Variants in MECOM observed in about 807,000 individuals in gnomAD.
The protein encoded by MECOM is MDS1 and EVI1 complex locus.
MECOM carries 13 observed loss-of-function variants against 116.3 expected under a neutral mutation model. The ratio of observed to expected loss-of-function variants is 0.11; its 90% CI spans 0.07 to 0.18. The LOEUF is 0.18. Ranked by LOEUF, MECOM falls within the 10% of genes least tolerant of loss-of-function variation. The probability of loss-of-function intolerance (pLI) is 1.00; values close to 1 mark genes in which losing one functional copy is unlikely to be tolerated. For synonymous variants in MECOM, 528 were observed against 535.2 expected (o/e 0.99, Z 0.19); for missense variants, 1,299 against 1,509.0 (o/e 0.86, Z 2.31).
Position 169,381,249 on chromosome 3 carries a change from T to G in MECOM, c.313A>C (p.Lys105Gln). ...TGCTCTCCCACATAAGGCCCAAACTTTTCACCTACTTCGATCTTCCTTTTG... is the reference window on the plus strand; with the variant it reads ...TGCTCTCCCACATAAGGCCCAAACTGTTCACCTACTTCGATCTTCCTTTTG... ...WTKRKIEVGEKFGPYVGEQRS... is the reference protein window; with the variant it reads ...WTKRKIEVGEQFGPYVGEQRS... The change falls in exon 2 of 17, where the codon AAG becomes CAG. Residue 105 changes from lysine to glutamine, a missense_variant. Physicochemically the swap from Lys to Gln is moderately conservative, Grantham distance 53. Transcript: ENST00000651503. 6.2e-7 allele frequency: 1 copy of G among 1,613,792 alleles called. No individual in the cohort carries two copies. Among genetic ancestry groups the G allele is most frequent in the Non-Finnish European group, 8.5e-7 (1 of 1,179,744 alleles).
intron 1 of MECOM, among the ~76,000 whole-genome samples, chr3:169,401,478 C>T (rs973131191): frequency 1.3e-5 from 2 of 152,212 alleles, no homozygotes; most frequent in African/African-American, 4.8e-5. Context: ...AATACCTGGC[C>T]TCATTCTTGG....
chr3:169,557,575 G>A (rs934999419), intron 1 of MECOM, among the ~76,000 whole-genome samples: 2 of 152,166 alleles, frequency 1.3e-5, no homozygotes, highest in Admixed American at 1.3e-4. Flanking sequence ...TTCATCTTAA[G>A]CATCAGGTAT....
At chr3:169,361,699 G>A (rs1728326123) in intron 2 of MECOM, among the ~76,000 whole-genome samples, 1 of 151,842 alleles carries the variant, frequency 6.6e-6, no homozygotes, top group South Asian at 2.1e-4. Context: ...CAGTGGTAGA[G>A]AATTTGAACA....
In MECOM at chr3:169,456,164, C is replaced by A. The variant is rs75571865; in HGVS notation, c.38-74640G>T. On this transcript the variant is annotated intron_variant, in intron 1 of 16. Transcript: ENST00000651503. ...AAAAAAAATTCTAGAGCCCTAAAGACATGATATCCATTCTTGGGTTCCCTG... is the reference window on the plus strand; with the variant it reads ...AAAAAAAATTCTAGAGCCCTAAAGAAATGATATCCATTCTTGGGTTCCCTG... Among the ~76,000 whole-genome samples the A allele has an allele frequency of 4.4e-3, 673 of 152,294 alleles. 6 individuals are homozygous for A. The highest frequency in any genetic ancestry group is 0.016 in the African/African-American group (646 of 41,566).
intron 2 of MECOM, among the ~76,000 whole-genome samples, chr3:169,376,364 A>C (rs765025320): frequency 6.6e-6 from 1 of 152,194 alleles, no homozygotes; most frequent in Non-Finnish European, 1.5e-5. Flanking sequence ...AAGAGTATTC[A>C]AATAAGAAGA....
chr3:169,443,600 G>T (rs372000148), intron 1 of MECOM, among the ~76,000 whole-genome samples: 4 of 152,104 alleles, frequency 2.6e-5, no homozygotes, highest in East Asian at 3.9e-4. Flanking sequence ...TCCATGAAAA[G>T]CCCTTCTCTG....
chr3:169,658,501 A>G (rs1411385101), intron 1 of MECOM, among the ~76,000 whole-genome samples: 1 of 152,110 alleles, frequency 6.6e-6, no homozygotes, highest in Non-Finnish European at 1.5e-5. Flanking sequence ...GTCAATGTAA[A>G]CCCAGCTCCG....
intron 5 of MECOM, among the ~76,000 whole-genome samples, chr3:169,124,857 T>G (rs920381029): frequency 5.9e-5 from 9 of 152,134 alleles, no homozygotes; most frequent in African/African-American, 2.2e-4. Flanking sequence ...TTATTTTCTT[T>G]TATTTCTTTG....
chr3:169,118,985 G>C (rs1475668199), intron 7 of MECOM, among the ~76,000 whole-genome samples: 1 of 152,212 alleles, frequency 6.6e-6, no homozygotes, highest in East Asian at 1.9e-4. Flanking sequence ...TCAGTAATAA[G>C]GAATTAGCCA....
At chr3:169,647,632 A>G (rs1172699384) in intron 1 of MECOM, among the ~76,000 whole-genome samples, 1 of 152,232 alleles carries the variant, frequency 6.6e-6, no homozygotes, top group Non-Finnish European at 1.5e-5. Context: ...GTGGTTCCAG[A>G]GTCTACATTC....
chr3:169,454,447 T>A lies in MECOM; in HGVS notation c.38-72923A>T, dbSNP rs183882603. On this transcript the variant is annotated intron_variant, in intron 1 of 16. Transcript: ENST00000651503. ...TTATATTTACAAATGCCGTAAGTAT[T>A]CACAAGGCCATTTCTGCTAAGAATC... Among the ~76,000 whole-genome samples, 227 of 151,288 alleles carry A rather than the reference T, an allele frequency of 1.5e-3. 2 individuals carry two copies. Among genetic ancestry groups the A allele is most frequent in the Admixed American group, 2.3e-3 (35 of 15,206 alleles).
chr3:169,472,518 GAAAGAAAAGAAAAGA>G (rs1183018878), intron 1 of MECOM, among the ~76,000 whole-genome samples: 1,168 of 69,560 alleles, frequency 0.017, 16 homozygotes, highest in South Asian at 0.024. Flanking sequence ...GAAAGGAAAG[GAAAGAAAAGAAAAGA>G]AAAGGAAAGG....
chr3:169,161,322 G>A (rs890617999), intron 2 of MECOM, among the ~76,000 whole-genome samples: 6 of 152,104 alleles, frequency 3.9e-5, no homozygotes, highest in African/African-American at 1.4e-4. Flanking sequence ...CTGAGCCTCA[G>A]CATCCTTATA....
intron 2 of MECOM, among the ~76,000 whole-genome samples, chr3:169,162,678 A>T (rs73168002): frequency 0.07 from 10,715 of 152,232 alleles, 487 homozygotes; most frequent in South Asian, 0.19. Context: ...CACATATTTT[A>T]AAAATATAGA....
chr3:169,606,045 G>A (rs1055872666), intron 1 of MECOM, among the ~76,000 whole-genome samples: 1 of 152,150 alleles, frequency 6.6e-6, no homozygotes, highest in Non-Finnish European at 1.5e-5. Flanking sequence ...AGGAAAGAAT[G>A]ATTATTTAAC....
At chr3:169,523,921 G>GTA (rs1454594210) in intron 1 of MECOM, among the ~76,000 whole-genome samples, 1 of 146,408 alleles carries the variant, frequency 6.8e-6, no homozygotes, top group Admixed American at 6.9e-5. Context: ...ATATATATGT[G>GTA]TATATATATT....
chr3:169,316,884 A>G (rs1322224739), intron 2 of MECOM, among the ~76,000 whole-genome samples: 1 of 152,210 alleles, frequency 6.6e-6, no homozygotes, highest in East Asian at 1.9e-4. Flanking sequence ...AAGTTTCATT[A>G]CTGTGTGTCA....
intron 1 of MECOM, among the ~76,000 whole-genome samples, chr3:169,477,727 A>G (rs985323070): frequency 6.6e-6 from 1 of 152,078 alleles, no homozygotes; most frequent in African/African-American, 2.4e-5. Context: ...TTGCTTTCCA[A>G]GGCAAACCTT....
intron 2 of MECOM, among the ~76,000 whole-genome samples, chr3:169,152,838 A>G (rs1741377162): frequency 6.6e-6 from 1 of 152,210 alleles, no homozygotes; most frequent in Admixed American, 6.5e-5. Flanking sequence ...AAAGATTTTA[A>G]CAGTTTAATA....
Sources: gnomAD v4.1 joint callset for allele counts (sites outside exome capture counted in the v4.1 genomes callset) on GRCh38, gnomAD v4.1.1 for gene constraint, MANE v1.5 for transcripts, NCBI Gene and HGNC (gene_info 2026-07-23, HGNC 2026-07-21) for gene names.